The following RBMS1 variants were observed in gnomAD, a reference collection of about 807,000 sequenced individuals.
RBMS1 encodes RNA binding motif single stranded interacting protein 1, also known as RNA-binding motif, single-stranded-interacting protein 1.
A neutral mutation model predicts 62.3 loss-of-function variants in RBMS1; 17 were observed. The observed-to-expected ratio is 0.27, with a 90% CI of 0.19 to 0.41. RBMS1 has a LOEUF of 0.41. Ranked by LOEUF, RBMS1 falls within the 10% of genes least tolerant of loss-of-function variation. The pLI is 1.00. For missense variants in RBMS1, 334 were observed against 504.5 expected (o/e 0.66, Z 3.24); for synonymous variants, 172 against 170.0 (o/e 1.01, Z -0.09).
At chr2:160,453,073 T>C (rs922592386) in intron 1 of RBMS1, among the ~76,000 whole-genome samples, 8 of 149,278 alleles carry the variant, frequency 5.4e-5, no homozygotes, top group East Asian at 2.0e-4. Context: ...TTGTTGTGTG[T>C]TTCTGTAACT....
chr2:160,491,847 A>G (rs908506621), intron 1 of RBMS1, among the ~76,000 whole-genome samples: 1 of 152,224 alleles, frequency 6.6e-6, no homozygotes, highest in Admixed American at 6.5e-5. Context: ...AAATACTGTG[A>G]GAACTACACA....
intron 1 of RBMS1, among the ~76,000 whole-genome samples, chr2:160,485,853 T>C (rs1459453336): frequency 2.6e-5 from 4 of 152,134 alleles, no homozygotes; most frequent in Non-Finnish European, 4.4e-5. Flanking sequence ...AGCTGTACTT[T>C]GTAGGAGGCA....
At chr2:160,354,412 A>G (rs1027832347) in intron 2 of RBMS1, among the ~76,000 whole-genome samples, 1 of 152,120 alleles carries the variant, frequency 6.6e-6, no homozygotes, top group Non-Finnish European at 1.5e-5. Flanking sequence ...AAATAGGTTA[A>G]GCATTGGAGC....
At chr2:160,397,756 T>C (rs950832316) in intron 1 of RBMS1, among the ~76,000 whole-genome samples, 2 of 152,214 alleles carry the variant, frequency 1.3e-5, no homozygotes, top group South Asian at 4.1e-4. Flanking sequence ...CCAATGGGTA[T>C]TTCCAATGGC....
At chr2:160,394,690 C>T (rs1027457993) in intron 1 of RBMS1, among the ~76,000 whole-genome samples, 4 of 152,234 alleles carry the variant, frequency 2.6e-5, no homozygotes, top group Non-Finnish European at 4.4e-5. Context: ...AAGGCCTACT[C>T]TGTTCAGAGA....
intron 1 of RBMS1, among the ~76,000 whole-genome samples, chr2:160,436,904 A>G (rs553042783): frequency 4.8e-4 from 73 of 152,324 alleles, no homozygotes; most frequent in South Asian, 1.0e-3. Context: ...CCATTTTCAC[A>G]TTGTTTGAAG....
At chr2:160,366,177 T>C (rs1285794558) in intron 2 of RBMS1, among the ~76,000 whole-genome samples, 1 of 152,216 alleles carries the variant, frequency 6.6e-6, no homozygotes, top group Non-Finnish European at 1.5e-5. Context: ...CCATCACTCC[T>C]TCCCCCACCC....
At chr2:160,461,975 C>T (rs187404467) in intron 1 of RBMS1, among the ~76,000 whole-genome samples, 1 of 152,142 alleles carries the variant, frequency 6.6e-6, no homozygotes, top group South Asian at 2.1e-4. Flanking sequence ...TAATTTCAAT[C>T]AATATTCAGT....
intron 1 of RBMS1, among the ~76,000 whole-genome samples, chr2:160,389,797 GTTTT>G (rs570423784): frequency 7.4e-6 from 1 of 135,812 alleles, no homozygotes; most frequent in African/African-American, 2.7e-5. Flanking sequence ...AAAATTACTA[GTTTT>G]TTTTTTTTTT....
chr2:160,282,363 T>C, intron 9 of RBMS1: 1 of 1,334,456 alleles, frequency 7.5e-7, no homozygotes. Flanking sequence ...ATCTGGACTG[T>C]AGCCTTTCCC....
chr2:160,446,987 T>G (rs1307346761), intron 1 of RBMS1, among the ~76,000 whole-genome samples: 2 of 152,244 alleles, frequency 1.3e-5, no homozygotes, highest in African/African-American at 4.8e-5. Context: ...CCCTTCTTCA[T>G]GTAACTAATG....
At chr2:160,311,703 C>G (rs924180471) in intron 4 of RBMS1, among the ~76,000 whole-genome samples, 5 of 129,262 alleles carry the variant, frequency 3.9e-5, no homozygotes, top group African/African-American at 1.4e-4. Flanking sequence ...TTCCTCTTTA[C>G]TTGAAGAAGC....
chr2:160,297,178 CATAAG>C (rs1259785474), intron 6 of RBMS1, among the ~76,000 whole-genome samples: 1 of 152,192 alleles, frequency 6.6e-6, no homozygotes, highest in East Asian at 1.9e-4. Flanking sequence ...GCCAGCTAAA[CATAAG>C]ATGACTAAAA....
At chr2:160,424,304 C>G (rs1696555277) in intron 1 of RBMS1, among the ~76,000 whole-genome samples, 1 of 151,678 alleles carries the variant, frequency 6.6e-6, no homozygotes, top group Non-Finnish European at 1.5e-5. Flanking sequence ...CAGGCATGAG[C>G]CACCGCACCC....
At chr2:160,276,074 G>A (rs1196561660) in intron 12 of RBMS1, among the ~76,000 whole-genome samples, 1 of 152,124 alleles carries the variant, frequency 6.6e-6, no homozygotes, top group Non-Finnish European at 1.5e-5. Flanking sequence ...AATGCCTCCA[G>A]TAGGGTCTAG....
chr2:160,328,485 T>C (rs1456245625), intron 2 of RBMS1, among the ~76,000 whole-genome samples: 4 of 151,968 alleles, frequency 2.6e-5, no homozygotes, highest in Non-Finnish European at 4.4e-5. Flanking sequence ...AATATGATTT[T>C]CCCCCAAAAA....
At chr2:160,443,717 C>T (rs549986345) in intron 1 of RBMS1, among the ~76,000 whole-genome samples, 143 of 152,344 alleles carry the variant, frequency 9.4e-4, no homozygotes, top group Middle Eastern at 3.4e-3. Flanking sequence ...GTGAACCAAT[C>T]AAACCTCTTT....
At chr2:160,456,584 G>A (rs1684242115) in intron 1 of RBMS1, among the ~76,000 whole-genome samples, 1 of 152,168 alleles carries the variant, frequency 6.6e-6, no homozygotes, top group African/African-American at 2.4e-5. Context: ...ACAGTAGACT[G>A]AGCATAATTT....
At chr2:160,479,210 T>A (rs1685263822) in intron 1 of RBMS1, among the ~76,000 whole-genome samples, 1 of 152,046 alleles carries the variant, frequency 6.6e-6, no homozygotes, top group South Asian at 2.1e-4. Context: ...ACAACAAAAA[T>A]CTTTAGGAAT....
Sources: allele counts gnomAD v4.1 joint callset (sites outside exome capture counted in the v4.1 genomes callset), GRCh38; gene constraint gnomAD v4.1.1; transcripts MANE v1.5; gene names NCBI Gene and HGNC (gene_info 2026-07-23, HGNC 2026-07-21).